The following COA1 variants were observed in gnomAD, a reference collection of about 807,000 sequenced individuals.
COA1 encodes the protein cytochrome c oxidase assembly factor 1 homolog.
COA1 carries 13 observed loss-of-function variants against 16.0 expected under a neutral mutation model. The ratio of observed to expected loss-of-function variants is 0.81; its 90% CI spans 0.53 to 1.29. COA1 has a LOEUF of 1.29. Ranked by LOEUF, COA1 falls within the 50% of genes most tolerant of loss-of-function variation. COA1 has a pLI of 0.00. For synonymous variants in COA1, 65 were observed against 65.7 expected (o/e 0.99, Z 0.05); for missense variants, 179 against 177.0 (o/e 1.01, Z -0.06).
chr7:43,702,154 T>C (rs1210184363), intron 1 of COA1, among the ~76,000 whole-genome samples: 1 of 152,204 alleles, frequency 6.6e-6, no homozygotes, highest in Non-Finnish European at 1.5e-5. Context: ...CCAAGGCCTA[T>C]GTCCAGAATG....
chr7:43,620,258 A>C (rs1400794182), intron 6 of COA1, among the ~76,000 whole-genome samples: 1 of 152,238 alleles, frequency 6.6e-6, no homozygotes, highest in East Asian at 1.9e-4. Context: ...AAAGAAGTCA[A>C]CTATTACTTT....
chr7:43,614,450 T>C (rs2083164907), intron 6 of COA1, among the ~76,000 whole-genome samples: 1 of 152,242 alleles, frequency 6.6e-6, no homozygotes, highest in African/African-American at 2.4e-5. Context: ...TTGTAAATGC[T>C]GAGGTACTTA....
chr7:43,638,136 C>T (rs534785324), downstream of COA1, among the ~76,000 whole-genome samples: 1 of 152,086 alleles, frequency 6.6e-6, no homozygotes, highest in South Asian at 2.1e-4. Flanking sequence ...TCAAAGAACA[C>T]ATAAATATGT....
intron 6 of COA1, chr7:43,623,481 A>T (rs992045458): frequency 9.4e-7 from 1 of 1,062,320 alleles, no homozygotes; most frequent in African/African-American, 1.6e-5. Flanking sequence ...ATAGTGCCTT[A>T]TAGTTTCTAA....
At chr7:43,714,588 C>A (rs1420075747) in intron 1 of COA1, among the ~76,000 whole-genome samples, 1 of 150,516 alleles carries the variant, frequency 6.6e-6, no homozygotes. Context: ...GAGATAGTGC[C>A]ATTGCACTCC....
At chr7:43,668,160 T>G (rs1199168423) in intron 1 of COA1, among the ~76,000 whole-genome samples, 2 of 151,820 alleles carry the variant, frequency 1.3e-5, no homozygotes, top group Non-Finnish European at 2.9e-5. Flanking sequence ...GCCTCATACC[T>G]TGTCTACACA....
chr7:43,661,163 A>G (rs1264976775), intron 1 of COA1, among the ~76,000 whole-genome samples: 1 of 152,246 alleles, frequency 6.6e-6, no homozygotes, highest in Non-Finnish European at 1.5e-5. Flanking sequence ...TTAGTATGCT[A>G]TGGCTGTTAA....
chr7:43,621,846 TCTC>T (rs2083924233), intron 6 of COA1, among the ~76,000 whole-genome samples: 1 of 144,554 alleles, frequency 6.9e-6, no homozygotes. Flanking sequence ...ACAAAGGGAC[TCTC>T]CTCTTTTTCC....
At chr7:43,710,715 T>G (rs544302384) in intron 1 of COA1, among the ~76,000 whole-genome samples, 4 of 152,248 alleles carry the variant, frequency 2.6e-5, no homozygotes, top group African/African-American at 9.6e-5. Flanking sequence ...AACAATAGGA[T>G]TCAGAAAGGT....
chr7:43,728,334 G>A (rs1047620408), intron 1 of COA1, among the ~76,000 whole-genome samples: 6 of 137,144 alleles, frequency 4.4e-5, no homozygotes, highest in African/African-American at 1.5e-4. Flanking sequence ...TTTTTTAAAG[G>A]ACTGAAGACT....
At chr7:43,719,188 G>A (rs1585481284) in intron 1 of COA1, among the ~76,000 whole-genome samples, 3 of 151,916 alleles carry the variant, frequency 2.0e-5, no homozygotes, top group Admixed American at 6.6e-5. Flanking sequence ...GGTTGGTCTC[G>A]AACTCCTGAC....
intron 1 of COA1, among the ~76,000 whole-genome samples, chr7:43,697,727 T>G (rs916893372): frequency 3.3e-5 from 5 of 152,202 alleles, no homozygotes; most frequent in African/African-American, 9.6e-5. Flanking sequence ...GCCCTCACAC[T>G]CAGTATTCCA....
intron 1 of COA1, among the ~76,000 whole-genome samples, chr7:43,675,894 T>C (rs962152556): frequency 1.7e-4 from 26 of 152,138 alleles, no homozygotes; most frequent in Admixed American, 3.9e-4. Flanking sequence ...TGTTAATCAA[T>C]GGCTCACTTG....
chr7:43,648,755 G>T, intron 1 of COA1, 103 bp from the exon 2 acceptor site: 1 of 788,628 alleles, frequency 1.3e-6, no homozygotes, highest in Non-Finnish European at 2.0e-6. Flanking sequence ...TTTAGAACAC[G>T]AACAAGAAGT....
rs1199539366 is a variant in COA1 at position 43,646,327 on chromosome 7, C to A, written c.116-928G>T. The A allele has an allele frequency of 9.6e-6, 3 of 312,254 alleles. No individual in the cohort carries two copies. The East Asian group carries it at 2.4e-4, about 25-fold the overall frequency. 19.3% of individuals were successfully genotyped at this position (312,254 alleles called of 1,614,324 possible). ...ACAGCTAATCTTTATTGAGTGATTT[C>A]TATGGCTAGGCACTGTTCTCAATAT... On this transcript the variant is annotated intron_variant, in intron 3 of 5. Coordinates refer to ENST00000223336, the MANE Select transcript of COA1 (RefSeq NM_018224.4).
At position 43,644,817 on chromosome 7, in the gene COA1, G is replaced by GAGAGAGAGAGAGAGAC. The variant is rs1554501888; in HGVS notation, c.264+433_264+434insGTCTCTCTCTCTCTCT. Among the ~76,000 whole-genome samples, 216 of 126,736 alleles carry GAGAGAGAGAGAGAGAC rather than the reference G, an allele frequency of 1.7e-3. 13 individuals carry two copies. Among genetic ancestry groups the GAGAGAGAGAGAGAGAC allele is most frequent in the Middle Eastern group, 8.1e-3 (2 of 246 alleles). The allele number at this position is 126,736 out of a possible 152,430, so 83.1% of individuals were successfully genotyped here. The stretch of plus-strand genomic sequence containing the variant: ...AGAGAGACAGAGAGAGAGAGAGAGA[G>GAGAGAGAGAGAGAGAC]AGAGAGAGAGAGAGAGACAGGGTCT... On this transcript the variant is annotated intron_variant, in intron 4 of 5. Coordinates refer to ENST00000223336, the MANE Select transcript of COA1 (RefSeq NM_018224.4).
At chr7:43,679,604 G>A (rs1268037053) in intron 1 of COA1, among the ~76,000 whole-genome samples, 1 of 152,094 alleles carries the variant, frequency 6.6e-6, no homozygotes, top group African/African-American at 2.4e-5. Context: ...TTCAAACTTG[G>A]GTCTGTAATC....
intron 1 of COA1, among the ~76,000 whole-genome samples, chr7:43,675,862 C>T (rs777647402): frequency 2.0e-5 from 3 of 152,114 alleles, no homozygotes; most frequent in Non-Finnish European, 4.4e-5. Flanking sequence ...AATTCTAACA[C>T]TAGATTAACA....
At chr7:43,714,112 C>T (rs761646960) in intron 1 of COA1, among the ~76,000 whole-genome samples, 104 of 152,028 alleles carry the variant, frequency 6.8e-4, no homozygotes, top group Non-Finnish European at 1.4e-3. Flanking sequence ...CACTTGAGTC[C>T]GGGACTTCCA....
Sources: gnomAD v4.1 joint callset for allele counts (sites outside exome capture counted in the v4.1 genomes callset) on GRCh38, gnomAD v4.1.1 for gene constraint, MANE v1.5 for transcripts, NCBI Gene and HGNC (gene_info 2026-07-23, HGNC 2026-07-21) for gene names.